RB1CC1: variants seen among roughly 807,000 people sequenced by gnomAD.
RB1CC1 encodes the protein RB1 inducible coiled-coil 1, also known as RB1-inducible coiled-coil protein 1.
A neutral mutation model predicts 177.5 loss-of-function variants in RB1CC1; 46 were observed. The observed-to-expected ratio is 0.26, with a 90% CI of 0.20 to 0.33. The LOEUF (loss-of-function observed/expected upper bound fraction) is 0.33. RB1CC1 is among the 10% of genes least tolerant of loss of function. The pLI, the probability that RB1CC1 is intolerant of heterozygous loss-of-function variation, is 1.00. For missense variants in RB1CC1, 1,703 were observed against 1,816.3 expected, an observed-to-expected ratio of 0.94 and a Z score of 1.13; for synonymous variants, 666 against 613.6, an observed-to-expected ratio of 1.09 and a Z score of -1.26.
intron 19 of RB1CC1, among the ~76,000 whole-genome samples, chr8:52,635,612 C>T (rs908367505): frequency 1.1e-4 from 16 of 152,148 alleles, no homozygotes; most frequent in Admixed American, 2.0e-4. Context: ...CCCTTCATTA[C>T]TTATTTTTGT....
chr8:52,658,350 G>A (rs564774274), intron 13 of RB1CC1, among the ~76,000 whole-genome samples: 5 of 152,158 alleles, frequency 3.3e-5, no homozygotes, highest in African/African-American at 9.6e-5. Context: ...AGGCCTAGGC[G>A]GGTGGATCAT....
chr8:52,634,872 A>T, intron 20 of RB1CC1, 49 bp downstream of exon 20: 1 of 1,417,538 alleles, frequency 7.1e-7, no homozygotes, highest in Non-Finnish European at 9.9e-7. Flanking sequence ...AATATAATGC[A>T]AATCATTTAA....
intron 5 of RB1CC1, among the ~76,000 whole-genome samples, chr8:52,680,245 T>C (rs1463510001): frequency 6.6e-6 from 1 of 152,154 alleles, no homozygotes; most frequent in Non-Finnish European, 1.5e-5. Flanking sequence ...TTGGTCTAAT[T>C]TTGCTTTATA....
intron 5 of RB1CC1, among the ~76,000 whole-genome samples, chr8:52,682,446 A>G (rs77778203): frequency 0.15 from 22,288 of 152,164 alleles, 2,153 homozygotes; most frequent in Non-Finnish European, 0.22. Context: ...TCAGATTACT[A>G]TTTATGTATT....
chr8:52,625,600 G>A (rs1848331491), intron 22 of RB1CC1, among the ~76,000 whole-genome samples: 1 of 152,158 alleles, frequency 6.6e-6, no homozygotes, highest in South Asian at 2.1e-4. Flanking sequence ...AGTTGAAAAT[G>A]CATTTAATAC....
chr8:52,641,340 T>C (rs926480135), intron 18 of RB1CC1, among the ~76,000 whole-genome samples: 22 of 137,720 alleles, frequency 1.6e-4, no homozygotes, highest in African/African-American at 6.1e-4. Context: ...GCCGAGATTG[T>C]GCCATCACAC....
intron 5 of RB1CC1, among the ~76,000 whole-genome samples, chr8:52,679,318 C>T (rs1291816486): frequency 6.6e-6 from 1 of 152,238 alleles, no homozygotes; most frequent in Non-Finnish European, 1.5e-5. Flanking sequence ...ATTTCACCTT[C>T]ACAATGTAAA....
intron 13 of RB1CC1, 24 bp downstream of exon 13, chr8:52,658,849 A>C: frequency 6.8e-7 from 1 of 1,471,876 alleles, no homozygotes; most frequent in Non-Finnish European, 9.3e-7. Context: ...TTATAAATTA[A>C]CTGAAAATAC....
Position 52,658,865 on chromosome 8 carries a change from A to T in RB1CC1, c.1793+8T>A. 1 of 1,530,116 alleles carries T rather than the reference A, an allele frequency of 6.5e-7. No homozygotes were observed. Among genetic ancestry groups the T allele is most frequent in the African/African-American group, 1.4e-5 (1 of 71,446 alleles). 94.8% of individuals were successfully genotyped at this position (1,530,116 alleles called of 1,614,324 possible). ...TATAAATTAACTGAAAATACTAATG[A>T]CATTTACCTGAGGAATGGCTGAACT... is the stretch of plus-strand genomic sequence containing the variant. On this transcript the variant is annotated splice_region_variant and intron_variant, in intron 13 of 23. Transcript: ENST00000025008.
intron 15 of RB1CC1, among the ~76,000 whole-genome samples, chr8:52,647,758 T>G (rs1432806641): frequency 6.6e-6 from 1 of 152,178 alleles, no homozygotes; most frequent in African/African-American, 2.4e-5. Context: ...GTAAAGGTTA[T>G]GAATTTTATT....
intron 15 of RB1CC1, among the ~76,000 whole-genome samples, chr8:52,652,426 C>T (rs901724244): frequency 7.0e-6 from 1 of 143,636 alleles, no homozygotes; most frequent in Non-Finnish European, 1.5e-5. Flanking sequence ...CGCCACTGCA[C>T]TCCAGCCTGG....
At chr8:52,681,609 C>T (rs1853724877) in intron 5 of RB1CC1, among the ~76,000 whole-genome samples, 1 of 152,016 alleles carries the variant, frequency 6.6e-6, no homozygotes, top group Admixed American at 6.6e-5. Flanking sequence ...GAAAAGAGGG[C>T]AGGCATGGTG....
intron 23 of RB1CC1, among the ~76,000 whole-genome samples, chr8:52,624,466 C>T (rs1848242002): frequency 6.6e-6 from 1 of 151,884 alleles, no homozygotes. Context: ...AGCAACCCAA[C>T]AGTCATAGAA....
chr8:52,645,792 T>A lies in RB1CC1; in HGVS notation c.3897A>T (p.Lys1299Asn). The A allele has an allele frequency of 6.2e-7, 1 of 1,611,096 alleles. No individual in the cohort carries two copies. Among genetic ancestry groups the A allele is most frequent in the Non-Finnish European group, 8.5e-7 (1 of 1,179,226 alleles). ...AELQEKLQEEKAKFLEQLEEQ... is the reference protein window; with the variant it reads ...AELQEKLQEENAKFLEQLEEQ... ...CTTCAAGTTGTTCTAGAAACTTAGC[T>A]TTTTCTTCCTGAAGCTTTTCTTGAA... The change falls in exon 16 of 24, where the codon AAA (lysine) becomes AAT (asparagine). Residue 1299 changes from lysine to asparagine, a missense_variant. Around this residue, in one of 6 missense-constraint regions of RB1CC1, gnomAD observed 1,169 missense variants for 1,184.7 expected, o/e 0.99. Transcript: ENST00000025008.
chr8:52,656,347 A>G lies in RB1CC1; in HGVS notation c.3482T>C (p.Leu1161Ser). 2 of 1,612,130 alleles carry G rather than the reference A, an allele frequency of 1.2e-6. No individual in the cohort carries two copies. Among genetic ancestry groups the G allele is most frequent in the Non-Finnish European group, 8.5e-7 (1 of 1,179,514 alleles). The part of the protein sequence containing the change: ...LKAELNKVTS[L>S]HNQAFEIEKN... The stretch of plus-strand genomic sequence containing the variant: ...TTCTATTTCAAATGCTTGGTTATGC[A>G]AAGATGTTACTTTGTTTAATTCAGC... Residue 1161 changes from leucine (L) to serine (S), a missense_variant, in exon 15 of 24, where the codon TTG becomes TCG. Physicochemically the swap from Leu to Ser is moderately radical, Grantham distance 145. Around this residue, in one of 6 missense-constraint regions of RB1CC1, gnomAD observed 1,169 missense variants for 1,184.7 expected, o/e 0.99. Coordinates refer to ENST00000025008, the MANE Select transcript of RB1CC1 (RefSeq NM_014781.5).
rs1376050348 is a variant in RB1CC1, at chr8:52,673,941, G to A, written c.906C>T (p.Pro302=). 2 of 1,613,874 alleles carry A rather than the reference G, an allele frequency of 1.2e-6. No individual in the cohort carries two copies. The highest frequency in any genetic ancestry group is 1.7e-6 in the Non-Finnish European group (2 of 1,179,982). The change falls in exon 7 of 24, where the codon CCC becomes CCT. Residue 302 remains proline, a synonymous_variant. Transcript: ENST00000025008. ...TTIDTKDGDL[P]FFNVSLLDWI... ...AGTCTAACAAAGAGACATTAAAAAA[G>A]GGCAGATCACCATCTTTAGTGTCAA...
intron 1 of RB1CC1, among the ~76,000 whole-genome samples, chr8:52,708,213 T>A (rs1856751257): frequency 6.6e-6 from 1 of 152,190 alleles, no homozygotes; most frequent in South Asian, 2.1e-4. Context: ...TGAATTTTAC[T>A]CATCTTTAAA....
At chr8:52,631,503 T>TA (rs1454485276) in intron 20 of RB1CC1, among the ~76,000 whole-genome samples, 4 of 152,200 alleles carry the variant, frequency 2.6e-5, no homozygotes. Flanking sequence ...TAAACTTTCC[T>TA]AGCATGTGGT....
At chr8:52,699,856 T>TAC (rs1411241229) in intron 1 of RB1CC1, among the ~76,000 whole-genome samples, 9 of 86,918 alleles carry the variant, frequency 1.0e-4, no homozygotes, top group East Asian at 3.8e-4. Context: ...TATATATATA[T>TAC]ATACACACAA....
Sources: gnomAD v4.1 joint callset for allele counts (sites outside exome capture counted in the v4.1 genomes callset) on GRCh38, gnomAD v4.1.1 for gene constraint, gnomAD v4.1.1 regional missense constraint, MANE v1.5 for transcripts, NCBI Gene and HGNC (gene_info 2026-07-23, HGNC 2026-07-21) for gene names.